The following TDRD7 variants were observed in gnomAD, a reference collection of about 807,000 sequenced individuals.
TDRD7 encodes the protein tudor domain containing 7.
In TDRD7, 47 loss-of-function variants were observed where a neutral mutation model predicts 109.8. The observed-to-expected ratio is 0.43, with a 90% CI of 0.34 to 0.55. The LOEUF is 0.55. Among genes scored for constraint, TDRD7 ranks in the 20% least tolerant of loss-of-function variants. The pLI is 0.03. For synonymous variants in TDRD7, 424 were observed against 457.3 expected (o/e 0.93, Z 0.93); for missense variants, 1,164 against 1,319.2 (o/e 0.88, Z 1.82).
intron 6 of TDRD7, among the ~76,000 whole-genome samples, chr9:97,449,322 C>G (rs998312039): frequency 1.1e-4 from 17 of 152,140 alleles, no homozygotes; most frequent in Admixed American, 3.3e-4. Context: ...GCATCAGATC[C>G]CACAGGGTGA....
chr9:97,480,872 G>A lies in TDRD7; in HGVS notation c.2346G>A (p.Met782Ile). 1.2e-6 allele frequency: 2 copies of A among 1,614,138 alleles called. No individual in the cohort carries two copies. Among genetic ancestry groups the A allele is most frequent in the Non-Finnish European group, 1.7e-6 (2 of 1,179,988 alleles). ...CLADLPQSIG[M>I]WTPDAVLWLR... Reference sequence around the variant, plus strand: ...CAGATCTTCCACAATCTATTGGCATGTGGACACCAGATGCAGTGCTGTGGT... The same window carrying A: ...CAGATCTTCCACAATCTATTGGCATATGGACACCAGATGCAGTGCTGTGGT... The change falls in exon 14 of 17, where the codon ATG (methionine) becomes ATA (isoleucine). Residue 782 changes from methionine (M) to isoleucine (I), a missense_variant. Coordinates refer to ENST00000355295, the MANE Select transcript of TDRD7 (RefSeq NM_014290.3).
chr9:97,450,562 C>T (rs2118424642), intron 6 of TDRD7, among the ~76,000 whole-genome samples: 1 of 152,252 alleles, frequency 6.6e-6, no homozygotes, highest in African/African-American at 2.4e-5. Context: ...GGAAATGAGG[C>T]AGGAGATGAA....
At chr9:97,449,422 T>C (rs1828453144) in intron 6 of TDRD7, among the ~76,000 whole-genome samples, 1 of 152,342 alleles carries the variant, frequency 6.6e-6, no homozygotes, top group Non-Finnish European at 1.5e-5. Flanking sequence ...CAGCTTCAAA[T>C]TGGGGTTCCC....
chr9:97,423,824 G>T (rs1010894814), intron 1 of TDRD7, among the ~76,000 whole-genome samples: 9 of 152,140 alleles, frequency 5.9e-5, no homozygotes, highest in Admixed American at 3.3e-4. Context: ...ATATCTTTGT[G>T]TTAGTGATAC....
chr9:97,471,772 T>A (rs1219242389), intron 9 of TDRD7, among the ~76,000 whole-genome samples: 1 of 152,210 alleles, frequency 6.6e-6, no homozygotes, highest in African/African-American at 2.4e-5. Context: ...CTAATACCTG[T>A]GTTAAACACT....
chr9:97,444,385 C>A (rs1828364052), intron 6 of TDRD7, among the ~76,000 whole-genome samples: 1 of 152,168 alleles, frequency 6.6e-6, no homozygotes, highest in Non-Finnish European at 1.5e-5. Context: ...ACTGTTTAAC[C>A]TCTGAATATT....
At chr9:97,438,909 C>G (rs1223398491) in intron 4 of TDRD7, among the ~76,000 whole-genome samples, 1 of 152,024 alleles carries the variant, frequency 6.6e-6, no homozygotes, top group African/African-American at 2.4e-5. Context: ...CCAAAATGTT[C>G]TTTGTTTCCA....
chr9:97,441,301 T>C (rs1828299967), intron 5 of TDRD7, among the ~76,000 whole-genome samples: 1 of 152,218 alleles, frequency 6.6e-6, no homozygotes, highest in Non-Finnish European at 1.5e-5. Context: ...TGTAAACTAA[T>C]ATATAAAATG....
At chr9:97,447,928 T>C (rs537025343) in intron 6 of TDRD7, among the ~76,000 whole-genome samples, 5 of 152,322 alleles carry the variant, frequency 3.3e-5, no homozygotes, top group East Asian at 3.9e-4. Context: ...TATAAATAAT[T>C]GCAATGTGTG....
intron 2 of TDRD7, among the ~76,000 whole-genome samples, chr9:97,429,640 A>G (rs1271644367): frequency 6.6e-6 from 1 of 152,238 alleles, no homozygotes; most frequent in Non-Finnish European, 1.5e-5. Context: ...TATATGAATA[A>G]TAAAATATGC....
chr9:97,490,553 G>GT lies in TDRD7; in HGVS notation c.3076+3221_3076+3222insT, dbSNP rs1034681089. 4.1e-5 allele frequency among the ~76,000 whole-genome samples: 6 copies of GT among 144,946 alleles called. 1 individual carries two copies. The highest frequency in any genetic ancestry group is 6.1e-5 in the Non-Finnish European group (4 of 65,604). On this transcript the variant is annotated intron_variant, in intron 16 of 16. Transcript: ENST00000355295. ...ATATGCCTAGATATATTTTGGTGGG[G>GT]GGGGGGGCATTTATCTTGCTTGGTG...
At chr9:97,443,405 AG>A (rs1489980927) in intron 6 of TDRD7, among the ~76,000 whole-genome samples, 2 of 152,244 alleles carry the variant, frequency 1.3e-5, no homozygotes, top group African/African-American at 4.8e-5. Flanking sequence ...AATAAACTCA[AG>A]AACAATTAAT....
chr9:97,462,097 CACTATTGTATTGAAGTA>C (rs1828734763), intron 7 of TDRD7, among the ~76,000 whole-genome samples: 1 of 152,158 alleles, frequency 6.6e-6, no homozygotes, highest in African/African-American at 2.4e-5. Context: ...CAATATGTTT[CACTATTGTATTGAAGTA>C]AAGGAAAGAT....
chr9:97,485,187 A>G (rs988161317), intron 15 of TDRD7, among the ~76,000 whole-genome samples: 1 of 152,238 alleles, frequency 6.6e-6, no homozygotes, highest in East Asian at 1.9e-4. Context: ...TTTTTATTAC[A>G]GCGGTTTCCA....
chr9:97,472,119 T>G lies in TDRD7; in HGVS notation c.1742-174T>G, dbSNP rs4743102. On this transcript the variant is annotated intron_variant, in intron 9 of 16. Transcript: ENST00000355295. ...TCAAAAGGGCGTTTACATTATATTT[T>G]TTTAAAACCTAAGAGGTAAGATAAA... is the stretch of plus-strand genomic sequence containing the variant. Among the ~76,000 whole-genome samples the G allele has an allele frequency of 0.46, 69,820 of 151,846 alleles. 16,098 individuals are homozygous for G. Among genetic ancestry groups the G allele is most frequent in the Admixed American group, 0.52 (7,882 of 15,240 alleles).
At chr9:97,474,838 C>G (rs1828987927) in intron 11 of TDRD7, among the ~76,000 whole-genome samples, 1 of 152,136 alleles carries the variant, frequency 6.6e-6, no homozygotes, top group Admixed American at 6.6e-5. Flanking sequence ...ACAGGTACCC[C>G]CAACTTCAAA....
intron 15 of TDRD7, 88 bp from the exon 16 acceptor site, chr9:97,487,084 T>C (rs1258353936): frequency 3.6e-6 from 5 of 1,396,144 alleles, no homozygotes; most frequent in Non-Finnish European, 5.0e-6. Context: ...GCATTAATTT[T>C]TCTTTTTATC....
At chr9:97,414,091 T>C (rs1827771838) in intron 1 of TDRD7, among the ~76,000 whole-genome samples, 1 of 152,210 alleles carries the variant, frequency 6.6e-6, no homozygotes, top group Admixed American at 6.5e-5. Flanking sequence ...TCTGGACACT[T>C]TCACAGAAGT....
chr9:97,422,332 G>T (rs1827913599), intron 1 of TDRD7, among the ~76,000 whole-genome samples: 1 of 152,110 alleles, frequency 6.6e-6, no homozygotes. Context: ...GGAGGCAGAG[G>T]TTACAGTGAG....
Sources: allele counts gnomAD v4.1 joint callset (sites outside exome capture counted in the v4.1 genomes callset), GRCh38; gene constraint gnomAD v4.1.1; transcripts MANE v1.5; gene names NCBI Gene and HGNC (gene_info 2026-07-23, HGNC 2026-07-21).